The following DPP6 variants were observed in gnomAD, a reference collection of about 807,000 sequenced individuals.
DPP6 encodes the protein A-type potassium channel modulatory protein DPP6.
A neutral mutation model predicts 122.6 loss-of-function variants in DPP6; 69 were observed. The observed-to-expected ratio is 0.56, with a 90% CI of 0.46 to 0.69. The LOEUF (loss-of-function observed/expected upper bound fraction) is 0.69. DPP6 is among the 30% of genes least tolerant of loss of function. The pLI, the probability that DPP6 is intolerant of heterozygous loss-of-function variation, is 0.00. For synonymous variants in DPP6, 418 were observed against 433.1 expected, an observed-to-expected ratio of 0.97 and a Z score of 0.43; for missense variants, 928 against 1,116.9, an observed-to-expected ratio of 0.83 and a Z score of 2.41.
intron 10 of DPP6, among the ~76,000 whole-genome samples, chr7:154,775,838 A>G (rs1796526534): frequency 6.6e-6 from 1 of 152,070 alleles, no homozygotes; most frequent in South Asian, 2.1e-4. Flanking sequence ...GAACCCGGTC[A>G]AAGCCAACCT....
intron 1 of DPP6, among the ~76,000 whole-genome samples, chr7:153,911,137 C>A (rs1016677242): frequency 1.3e-5 from 2 of 152,334 alleles, no homozygotes; most frequent in African/African-American, 4.8e-5. Context: ...TGACCCCTAG[C>A]CTTGCTGGGG....
rs180816604 is a variant in DPP6, at chr7:154,543,850, C to T, written c.552+3224C>T. On this transcript the variant is annotated intron_variant, in intron 4 of 25. Coordinates refer to ENST00000377770, the MANE Select transcript of DPP6 (RefSeq NM_130797.4). ...CTCTACTAAAAATTAAAAAGTTAGC[C>T]GAGCATGGTGGAGCATGCCTGTAAT... 1.6e-3 allele frequency among the ~76,000 whole-genome samples: 245 copies of T among 151,772 alleles called. 2 individuals are homozygous for T. The highest frequency in any genetic ancestry group is 5.6e-3 in the African/African-American group (230 of 41,384).
intron 1 of DPP6, among the ~76,000 whole-genome samples, chr7:154,098,028 T>C (rs2150563778): frequency 6.6e-6 from 1 of 152,288 alleles, no homozygotes; most frequent in East Asian, 1.9e-4. Flanking sequence ...ACTCCACCTC[T>C]TGAAGGGAGA....
At chr7:153,866,963 T>C in the DPP6 span, among the ~76,000 whole-genome samples, 2 of 152,170 alleles carry the variant, frequency 1.3e-5, no homozygotes, top group African/African-American at 4.8e-5. Context: ...TAGTTGTAGA[T>C]ATGTGGCATT....
intron 1 of DPP6, among the ~76,000 whole-genome samples, chr7:154,275,694 C>T (rs1804083660): frequency 1.3e-5 from 2 of 152,242 alleles, no homozygotes; most frequent in East Asian, 3.9e-4. Flanking sequence ...GTTTAATCAG[C>T]TCCCTCCTCA....
intron 1 of DPP6, among the ~76,000 whole-genome samples, chr7:154,068,050 C>T (rs1168543134): frequency 2.6e-5 from 4 of 151,864 alleles, no homozygotes; most frequent in African/African-American, 9.7e-5. Flanking sequence ...GCATGAGTCA[C>T]CGTGCCTGGC....
chr7:154,090,561 A>AT (rs553004924), intron 1 of DPP6, among the ~76,000 whole-genome samples: 25 of 152,194 alleles, frequency 1.6e-4, no homozygotes, highest in South Asian at 6.2e-4. Flanking sequence ...CAAAAAGTAT[A>AT]TTTTTTTGGG....
intron 5 of DPP6, among the ~76,000 whole-genome samples, chr7:154,611,656 A>T (rs971632954): frequency 2.0e-5 from 3 of 152,106 alleles, no homozygotes; most frequent in Admixed American, 6.6e-5. Context: ...TATGTTATTT[A>T]TTTTTTGAAG....
At chr7:154,823,347 G>A (rs990895016) in intron 16 of DPP6, among the ~76,000 whole-genome samples, 1 of 150,156 alleles carries the variant, frequency 6.7e-6, no homozygotes, top group African/African-American at 2.4e-5. Flanking sequence ...TCCAGCCTGG[G>A]TGACAGAGCA....
chr7:154,436,195 C>G (rs902760585), intron 1 of DPP6, among the ~76,000 whole-genome samples: 9 of 151,152 alleles, frequency 6.0e-5, no homozygotes, highest in African/African-American at 2.2e-4. Context: ...GAGGCTGGGC[C>G]TGGTTTTCTT....
chr7:154,220,994 C>T (rs538050954), intron 1 of DPP6, among the ~76,000 whole-genome samples: 20 of 152,080 alleles, frequency 1.3e-4, no homozygotes, highest in Non-Finnish European at 2.9e-4. Flanking sequence ...ATAACATGTA[C>T]AGGTCTTGAT....
At chr7:154,095,741 A>T (rs1312917853) in intron 1 of DPP6, 1 of 109,862 alleles carries the variant, frequency 9.1e-6, no homozygotes, top group Admixed American at 9.8e-5. Context: ...ACCTCCTGTG[A>T]TGCTCACGGC....
intron 1 of DPP6, among the ~76,000 whole-genome samples, chr7:154,206,006 A>G (rs898865311): frequency 2.0e-5 from 3 of 152,132 alleles, no homozygotes; most frequent in Non-Finnish European, 4.4e-5. Context: ...CCATGATGCC[A>G]TCCAAGGAAA....
At chr7:154,506,192 G>A (rs1206378762) in intron 3 of DPP6, among the ~76,000 whole-genome samples, 1 of 151,458 alleles carries the variant, frequency 6.6e-6, no homozygotes, top group Non-Finnish European at 1.5e-5. Context: ...CTATTTGGAT[G>A]TAGCTCCTTT....
intron 1 of DPP6, among the ~76,000 whole-genome samples, chr7:153,935,042 G>A (rs1801365171): frequency 1.3e-5 from 2 of 152,222 alleles, no homozygotes; most frequent in South Asian, 4.1e-4. Flanking sequence ...GAGGAGCTCA[G>A]GGACCAGCCC....
At chr7:154,425,389 A>C (rs1288003786) in intron 1 of DPP6, among the ~76,000 whole-genome samples, 1 of 152,086 alleles carries the variant, frequency 6.6e-6, no homozygotes, top group Non-Finnish European at 1.5e-5. Context: ...CTTTGTAGGT[A>C]ATTTGTGCAG....
chr7:153,955,126 A>G (rs1004286746), intron 1 of DPP6, among the ~76,000 whole-genome samples: 1 of 152,206 alleles, frequency 6.6e-6, no homozygotes, highest in South Asian at 2.1e-4. Flanking sequence ...AAGTTCTGTC[A>G]TAATGTTGTT....
At chr7:154,545,536 C>T (rs945625144) in intron 4 of DPP6, among the ~76,000 whole-genome samples, 1 of 135,974 alleles carries the variant, frequency 7.4e-6, no homozygotes, top group African/African-American at 2.7e-5. Flanking sequence ...TGTAGAAATA[C>T]ACTTAAAATA....
At chr7:153,805,965 A>T in the DPP6 span, among the ~76,000 whole-genome samples, 1 of 151,670 alleles carries the variant, frequency 6.6e-6, no homozygotes, top group East Asian at 1.9e-4. Flanking sequence ...ACAAACCTGC[A>T]TGTTGTGCAC....
Sources: allele counts gnomAD v4.1 joint callset (sites outside exome capture counted in the v4.1 genomes callset), GRCh38; gene constraint gnomAD v4.1.1; transcripts MANE v1.5; gene names NCBI Gene and HGNC (gene_info 2026-07-23, HGNC 2026-07-21).